Variants in ATAD5 observed in about 807,000 individuals in gnomAD.
ATAD5 encodes ATPase family AAA domain-containing protein 5.
ATAD5 carries 58 observed loss-of-function variants against 176.9 expected under a neutral mutation model. The observed-to-expected ratio is 0.33, with a 90% CI of 0.27 to 0.41. The LOEUF (loss-of-function observed/expected upper bound fraction) is 0.41. Among genes scored for constraint, ATAD5 ranks in the 10% least tolerant of loss-of-function variants. The probability of loss-of-function intolerance (pLI) is 1.00; values close to 1 mark genes in which losing one functional copy is unlikely to be tolerated. For missense variants in ATAD5, 1,789 were observed against 2,094.1 expected (o/e 0.85, Z 2.84); for synonymous variants, 640 against 712.6 (o/e 0.90, Z 1.62).
At chr17:30,854,096 A>G (rs1907142843) in intron 6 of ATAD5, among the ~76,000 whole-genome samples, 1 of 150,682 alleles carries the variant, frequency 6.6e-6, no homozygotes, top group South Asian at 2.1e-4. Context: ...GATGAGCAAA[A>G]AAGAATTTGA....
At chr17:30,833,972 G>T (rs1432434675) in intron 1 of ATAD5, among the ~76,000 whole-genome samples, 176 bp from the exon 2 acceptor site, 1 of 152,122 alleles carries the variant, frequency 6.6e-6, no homozygotes, top group African/African-American at 2.4e-5. Context: ...GTGAGCCACC[G>T]CACCTGGCCT....
At chr17:30,874,435 G>C (rs1157933361) in intron 14 of ATAD5, among the ~76,000 whole-genome samples, 2 of 146,110 alleles carry the variant, frequency 1.4e-5, no homozygotes, top group African/African-American at 2.5e-5. Flanking sequence ...CAGCTACTCG[G>C]GAGGCTGAGG....
At chr17:30,881,012 A>G (rs914047272) in intron 18 of ATAD5, among the ~76,000 whole-genome samples, 4 of 151,446 alleles carry the variant, frequency 2.6e-5, no homozygotes, top group Non-Finnish European at 5.9e-5. Flanking sequence ...TCTTACGATG[A>G]TGAACAAGGC....
chr17:30,885,644 T>TTTG (rs1909279562), intron 18 of ATAD5, among the ~76,000 whole-genome samples: 2 of 138,234 alleles, frequency 1.4e-5, no homozygotes, highest in African/African-American at 5.5e-5. Context: ...TTTTTTTTTT[T>TTTG]TTTGGTTGAG....
chr17:30,854,369 A>ATT (rs11445925), intron 6 of ATAD5, among the ~76,000 whole-genome samples: 1,708 of 120,990 alleles, frequency 0.014, 62 homozygotes, highest in African/African-American at 0.027. Flanking sequence ...ATTAATTTAA[A>ATT]TTTTTTTTTT....
At chr17:30,889,798 A>G (rs1909521310) in intron 19 of ATAD5, among the ~76,000 whole-genome samples, 1 of 151,738 alleles carries the variant, frequency 6.6e-6, no homozygotes. Context: ...CCAAGGTGAA[A>G]TTATGTAATA....
chr17:30,889,243 A>G (rs1909493658), intron 19 of ATAD5, among the ~76,000 whole-genome samples: 1 of 147,942 alleles, frequency 6.8e-6, no homozygotes, highest in Non-Finnish European at 1.5e-5. Flanking sequence ...GGGCAGGATC[A>G]TAATGCACAG....
intron 4 of ATAD5, among the ~76,000 whole-genome samples, chr17:30,842,437 T>G (rs1382369216): frequency 3.9e-5 from 6 of 152,196 alleles, no homozygotes; most frequent in African/African-American, 1.4e-4. Flanking sequence ...TTATAACTAG[T>G]TAAACTATCT....
At chr17:30,881,713 G>T (rs1909021660) in intron 18 of ATAD5, among the ~76,000 whole-genome samples, 1 of 152,008 alleles carries the variant, frequency 6.6e-6, no homozygotes, top group Non-Finnish European at 1.5e-5. Flanking sequence ...AGGAGTTTGA[G>T]ACCAGCCTGG....
chr17:30,884,162 C>T (rs1480008677), intron 18 of ATAD5, among the ~76,000 whole-genome samples: 2 of 149,682 alleles, frequency 1.3e-5, no homozygotes, highest in African/African-American at 4.9e-5. Flanking sequence ...TTGTTGTGAC[C>T]GGCTTTTTTT....
In ATAD5 at chr17:30,892,599, T is replaced by C; in HGVS notation, c.4259-8T>C. 6.5e-7 allele frequency: 1 copy of C among 1,538,614 alleles called. No homozygotes were observed. Among genetic ancestry groups the C allele is most frequent in the Non-Finnish European group, 8.7e-7 (1 of 1,148,974 alleles). On this transcript the variant is annotated splice_polypyrimidine_tract_variant and splice_region_variant and intron_variant, in intron 19 of 22. Coordinates refer to ENST00000321990, the MANE Select transcript of ATAD5 (RefSeq NM_024857.5). ...TATATAGAGCTAAGATTTTCTTTTATTTTGTAGGTGGAAATAGCAGAAATG... is the reference window on the plus strand; with the variant it reads ...TATATAGAGCTAAGATTTTCTTTTACTTTGTAGGTGGAAATAGCAGAAATG...
rs1224763700 is a variant in ATAD5, at chr17:30,890,408, CTCT to C, written c.4259-2194_4259-2192del. 8.8e-4 allele frequency among the ~76,000 whole-genome samples: 124 copies of C among 141,408 alleles called. 2 individuals are homozygous for C. The highest frequency in any genetic ancestry group is 3.0e-3 in the African/African-American group (117 of 38,952). The allele number at this position is 141,408 out of a possible 152,430, so 92.8% of individuals were successfully genotyped here. A position where few individuals can be genotyped will look rare whatever the true frequency, so the allele number is the denominator to read the frequency against. The stretch of plus-strand genomic sequence containing the variant: ...TAACAAAATAAGTACAGCATAATTT[CTCT>C]TCTTTTCTTTTTTTTTTTTTTTTTT... On this transcript the variant is annotated intron_variant, in intron 19 of 22. Transcript: ENST00000321990.
chr17:30,855,634 C>T (rs924262933), intron 7 of ATAD5, among the ~76,000 whole-genome samples: 4 of 152,058 alleles, frequency 2.6e-5, no homozygotes, highest in South Asian at 2.1e-4. Context: ...CCCAGGAGTT[C>T]GAGACCAGCC....
At chr17:30,833,324 C>A (rs184109242) in intron 1 of ATAD5, among the ~76,000 whole-genome samples, 1 of 152,282 alleles carries the variant, frequency 6.6e-6, no homozygotes, top group East Asian at 1.9e-4. Flanking sequence ...CTTTCCGTTA[C>A]AGTTTCTGGT....
rs1905580650 is a variant in ATAD5 at position 30,834,461 on chromosome 17, A to T, written c.380A>T (p.Lys127Ile). ...TTATCTCATCAACTAAATAATATTA[A>T]AACTGAAAATGAAGCTCCAATTGAA... ...VNLSHQLNNIKTENEAPIEIS... is the reference protein window; with the variant it reads ...VNLSHQLNNIITENEAPIEIS... Residue 127 changes from lysine (K) to isoleucine (I), a missense_variant, in exon 2 of 23, where the codon AAA (lysine) becomes ATA (isoleucine). Lys to Ile is a moderately radical substitution (Grantham distance 102). This residue lies in a region of ATAD5 where 696 missense variants were observed against 712.5 expected (regional missense o/e 0.98). Transcript: ENST00000321990. 1.9e-6 allele frequency: 3 copies of T among 1,589,388 alleles called. No individual in the cohort carries two copies. The East Asian group carries it at 6.7e-5, about 36-fold the overall frequency.
chr17:30,883,248 C>T (rs1909128376), intron 18 of ATAD5, among the ~76,000 whole-genome samples: 1 of 151,810 alleles, frequency 6.6e-6, no homozygotes, highest in Non-Finnish European at 1.5e-5. Context: ...TCTCAGCCTC[C>T]TGAGTAGCTA....
intron 8 of ATAD5, 135 bp downstream of exon 8, chr17:30,857,247 C>G: frequency 1.1e-6 from 1 of 937,312 alleles, no homozygotes; most frequent in Non-Finnish European, 1.5e-6. Flanking sequence ...GAGACAGAGT[C>G]TCCCTCTGTT....
At chr17:30,867,741 C>T (rs772949715) in intron 11 of ATAD5, among the ~76,000 whole-genome samples, 2 of 152,042 alleles carry the variant, frequency 1.3e-5, no homozygotes, top group Admixed American at 6.6e-5. Flanking sequence ...CCTCCCAAGT[C>T]GCTGGGACTA....
intron 19 of ATAD5, among the ~76,000 whole-genome samples, chr17:30,892,291 A>G (rs7220102): frequency 0.98 from 149,282 of 151,998 alleles, 73,320 homozygotes; most frequent in East Asian, 1. Context: ...CGGGTGTGGT[A>G]GCGCGTGCCT....
Sources: allele counts gnomAD v4.1 joint callset (sites outside exome capture counted in the v4.1 genomes callset), GRCh38; gene constraint gnomAD v4.1.1; regional missense constraint gnomAD v4.1.1; transcripts MANE v1.5; gene names NCBI Gene and HGNC (gene_info 2026-07-23, HGNC 2026-07-21).